SPINK5: variants seen among roughly 807,000 people sequenced by gnomAD.
The protein encoded by SPINK5 is serine peptidase inhibitor Kazal type 5.
In SPINK5, 125 loss-of-function variants were observed where a neutral mutation model predicts 151.8. The ratio of observed to expected loss-of-function variants is 0.82; its 90% confidence interval spans 0.71 to 0.96. SPINK5 has a LOEUF of 0.96. SPINK5 is among the 40% of genes least tolerant of loss of function. The pLI is 0.00. For missense variants in SPINK5, 1,194 were observed against 1,291.9 expected (o/e 0.92, Z 1.16); for synonymous variants, 374 against 395.3 (o/e 0.95, Z 0.64).
chr5:148,112,758 T>C, intron 19 of SPINK5, 110 bp from the exon 20 acceptor site: 1 of 1,524,640 alleles, frequency 6.6e-7, no homozygotes, highest in East Asian at 2.4e-5. Context: ...CAAAGCTAAG[T>C]TGGTGGAGGT....
Position 148,132,713 on chromosome 5 carries a change from T to C in SPINK5, c.3096-1084T>C, listed in dbSNP as rs1356947345. ...TAAACTACTGTTATTTCTAAGACAG[T>C]AGTTCCTTAAATTGTCAAAGACCAA... On this transcript the variant is annotated intron_variant, in intron 31 of 32. Coordinates refer to ENST00000256084, the MANE Select transcript of SPINK5 (RefSeq NM_006846.4). Among the ~76,000 whole-genome samples, 5 of 152,178 alleles carry C rather than the reference T, an allele frequency of 3.3e-5. No individual in the cohort carries two copies. The East Asian group carries it at 5.8e-4, about 18-fold the overall frequency.
intron 8 of SPINK5, among the ~76,000 whole-genome samples, chr5:148,092,928 C>T (rs1753350342): frequency 6.6e-6 from 1 of 151,866 alleles, no homozygotes; most frequent in Admixed American, 6.6e-5. Context: ...AGAAAAGGTC[C>T]TACAGAGCAT....
chr5:148,108,425 T>G (rs923252931), intron 17 of SPINK5, among the ~76,000 whole-genome samples: 1 of 152,174 alleles, frequency 6.6e-6, no homozygotes, highest in Non-Finnish European at 1.5e-5. Flanking sequence ...GAGGAAAGGT[T>G]TAAGCAGTGA....
At chr5:148,069,319 C>T (rs1752673351) in intron 2 of SPINK5, among the ~76,000 whole-genome samples, 1 of 151,572 alleles carries the variant, frequency 6.6e-6, no homozygotes, top group Non-Finnish European at 1.5e-5. Flanking sequence ...TTCTACTTTC[C>T]TTTTCCCCAC....
At chr5:148,093,357 G>A (rs1251179768) in intron 8 of SPINK5, among the ~76,000 whole-genome samples, 1 of 151,716 alleles carries the variant, frequency 6.6e-6, no homozygotes, top group Non-Finnish European at 1.5e-5. Flanking sequence ...TTTTTGGTGG[G>A]GGGAAGTCAC....
intron 2 of SPINK5, among the ~76,000 whole-genome samples, chr5:148,067,182 C>G (rs1047344363): frequency 1.3e-5 from 2 of 152,164 alleles, no homozygotes; most frequent in Admixed American, 6.5e-5. Flanking sequence ...GGTCAGTGCT[C>G]TAACACTGAG....
intron 5 of SPINK5, among the ~76,000 whole-genome samples, chr5:148,088,052 C>T (rs1753207993): frequency 6.6e-6 from 1 of 151,614 alleles, no homozygotes; most frequent in African/African-American, 2.4e-5. Context: ...TTCAGATATA[C>T]TTTAAAGGTC....
At position 148,108,818 on chromosome 5, in the gene SPINK5, T is replaced by G. The variant is rs936170823; in HGVS notation, c.1673T>G (p.Val558Gly). ...AAAGGGAAAGTCGAGGCTGAAAAAG[T>G]TAAGAGAGAAGCAGTTCAGGTAGTT... ...EEKGKVEAEK[V>G]KREAVQELCS... Residue 558 changes from valine to glycine, a missense_variant, in exon 18 of 33, where the codon GTT becomes GGT. Val to Gly is a moderately radical substitution (Grantham distance 109). Transcript: ENST00000256084. The G allele has an allele frequency of 1.2e-6, 2 of 1,612,098 alleles. No individual in the cohort carries two copies. The highest frequency in any genetic ancestry group is 1.7e-6 in the Non-Finnish European group (2 of 1,178,762).
At chr5:148,068,814 A>T (rs1267292876) in intron 2 of SPINK5, among the ~76,000 whole-genome samples, 3 of 152,052 alleles carry the variant, frequency 2.0e-5, no homozygotes, top group African/African-American at 7.2e-5. Flanking sequence ...GACCTAGTGA[A>T]TTTTCACTGG....
intron 12 of SPINK5, among the ~76,000 whole-genome samples, chr5:148,099,993 T>C (rs1357087531): frequency 2.0e-5 from 3 of 152,134 alleles, no homozygotes; most frequent in African/African-American, 7.2e-5. Context: ...CTATGTGCCA[T>C]GTCTTTTCCT....
chr5:148,069,943 G>A (rs1423002), intron 2 of SPINK5, among the ~76,000 whole-genome samples: 108,362 of 151,938 alleles, frequency 0.71, 39,268 homozygotes, highest in East Asian at 0.91. Context: ...ATTTTATAAT[G>A]TTCAATGCTC....
At chr5:148,065,839 C>T (rs1412856323) in intron 2 of SPINK5, among the ~76,000 whole-genome samples, 1 of 151,980 alleles carries the variant, frequency 6.6e-6, no homozygotes, top group African/African-American at 2.4e-5. Context: ...AGATGTCAGA[C>T]CCTGTTTGAG....
chr5:148,110,689 C>T (rs1473245421), intron 18 of SPINK5, among the ~76,000 whole-genome samples: 1 of 151,950 alleles, frequency 6.6e-6, no homozygotes, highest in Non-Finnish European at 1.5e-5. Flanking sequence ...CTTATGAGAA[C>T]ACATGGACAC....
intron 16 of SPINK5, among the ~76,000 whole-genome samples, chr5:148,105,425 C>A (rs938759439): frequency 6.6e-6 from 1 of 152,142 alleles, no homozygotes; most frequent in African/African-American, 2.4e-5. Context: ...TTGTCACCAC[C>A]CAGCTATGGA....
In SPINK5 at chr5:148,124,775, G is replaced by A. The variant is rs1220541159; in HGVS notation, c.2677G>A (p.Ala893Thr). ...AMCQSIFDRE[A>T]NERKKKDEEK... ...TTAATTATTCTGCAGTGATCGAGAAGCTAATGAAAGAAAAAAGAAAGATGA... is the reference window on the plus strand; with the variant it reads ...TTAATTATTCTGCAGTGATCGAGAAACTAATGAAAGAAAAAAGAAAGATGA... The change falls in exon 28 of 33, where the codon GCT (alanine) becomes ACT (threonine). Residue 893 changes from alanine to threonine, a missense_variant. Coordinates refer to ENST00000256084, the MANE Select transcript of SPINK5 (RefSeq NM_006846.4). 3 of 1,601,892 alleles carry A rather than the reference G, an allele frequency of 1.9e-6. No homozygotes were observed. Among genetic ancestry groups the A allele is most frequent in the Admixed American group, 1.7e-5 (1 of 58,918 alleles).
chr5:148,071,333 C>T (rs1435493969), intron 3 of SPINK5, among the ~76,000 whole-genome samples: 2 of 152,112 alleles, frequency 1.3e-5, no homozygotes, highest in East Asian at 1.9e-4. Flanking sequence ...GATAATGAAG[C>T]TCAGATCGTT....
Position 148,107,087 on chromosome 5 carries a change from C to A in SPINK5, c.1530C>A (p.Cys510Ter), listed in dbSNP as rs1554105045. The change falls in exon 17 of 33, where the codon TGC (cysteine) becomes TGA (stop). Residue 510 changes from cysteine to a stop codon, truncating the protein, a stop_gained. Transcript: ENST00000256084. LOFTEE classifies it high-confidence loss of function. The stretch of plus-strand genomic sequence containing the variant: ...AAGTGAGGAATGGAACACTTATATG[C>A]ACCAGGGAGCATAATCCTGTCCGTG... ...RDQVRNGTLI[C>*]TREHNPVRGP... The A allele has an allele frequency of 3.1e-6, 5 of 1,613,242 alleles. No individual in the cohort carries two copies. Among genetic ancestry groups the A allele is most frequent in the Non-Finnish European group, 4.2e-6 (5 of 1,179,456 alleles).
At chr5:148,112,431 T>G (rs545408066) in intron 19 of SPINK5, among the ~76,000 whole-genome samples, 1 of 152,190 alleles carries the variant, frequency 6.6e-6, no homozygotes, top group Admixed American at 6.5e-5. Context: ...TTCTAGCACT[T>G]TGGGAGGCCG....
intron 29 of SPINK5, among the ~76,000 whole-genome samples, chr5:148,126,196 C>A (rs1754426114): frequency 6.6e-6 from 1 of 151,998 alleles, no homozygotes; most frequent in African/African-American, 2.4e-5. Flanking sequence ...CAAATTTTTA[C>A]ACCCCAAAAT....
Sources: allele counts gnomAD v4.1 joint callset (sites outside exome capture counted in the v4.1 genomes callset), GRCh38; gene constraint gnomAD v4.1.1; transcripts MANE v1.5; gene names NCBI Gene and HGNC (gene_info 2026-07-23, HGNC 2026-07-21).